Variants in SLC12A2 observed in about 807,000 individuals in gnomAD.
SLC12A2 encodes solute carrier family 12 member 2, also known as Na-K-2Cl cotransporter 1.
A neutral mutation model predicts 136.3 loss-of-function variants in SLC12A2; 67 were observed. That is an observed-to-expected ratio of 0.49 (90% CI 0.40 to 0.60). The LOEUF (loss-of-function observed/expected upper bound fraction) is 0.60, where lower values mean the gene tolerates loss of function less well. Among genes scored for constraint, SLC12A2 ranks in the 20% least tolerant of loss-of-function variants. The probability of loss-of-function intolerance (pLI) is 0.00; values close to 1 mark genes in which losing one functional copy is unlikely to be tolerated. For synonymous variants in SLC12A2, 619 were observed against 562.9 expected, an observed-to-expected ratio of 1.10 and a Z score of -1.41; for missense variants, 1,322 against 1,534.7, an observed-to-expected ratio of 0.86 and a Z score of 2.32.
chr5:128,113,650 G>T (rs779061871), intron 2 of SLC12A2, among the ~76,000 whole-genome samples: 1 of 152,114 alleles, frequency 6.6e-6, no homozygotes, highest in Non-Finnish European at 1.5e-5. Context: ...AGTATTGTTT[G>T]CCTTAGATTT....
chr5:128,133,618 T>G (rs1762096449), intron 5 of SLC12A2, among the ~76,000 whole-genome samples: 1 of 152,094 alleles, frequency 6.6e-6, no homozygotes, highest in South Asian at 2.1e-4. Context: ...AAATAGCTTT[T>G]GCTTAGTTAA....
Position 128,084,205 on chromosome 5 carries a change from A to G in SLC12A2, c.251A>G (p.Asp84Gly). 1 of 1,285,474 alleles carries G rather than the reference A, an allele frequency of 7.8e-7. No homozygotes were observed. The highest frequency in any genetic ancestry group is 2.7e-5 in the South Asian group (1 of 36,904). 79.6% of individuals were successfully genotyped at this position (1,285,474 alleles called of 1,614,324 possible). A position where few individuals can be genotyped will look rare whatever the true frequency, so the allele number is the denominator to read the frequency against. Residue 84 changes from aspartate (D) to glycine (G), a missense_variant, in exon 1 of 27, where the codon GAC becomes GGC. This residue lies in a region of SLC12A2 where 358 missense variants were observed against 299.7 expected (regional missense o/e 1.19). Coordinates refer to ENST00000262461, the MANE Select transcript of SLC12A2 (RefSeq NM_001046.3). The surrounding 1 kb of genome is among the most constrained non-coding windows in gnomAD (Gnocchi z 5.6). ...CCGAGCCAGAGCCGTTTCCAGGTGG[A>G]CCTGGTTTCCGAGAACGCCGGGCGG... ...PTPSQSRFQV[D>G]LVSENAGRAA...
At chr5:128,142,526 T>G (rs1407164171) in intron 10 of SLC12A2, among the ~76,000 whole-genome samples, 2 of 152,132 alleles carry the variant, frequency 1.3e-5, no homozygotes, top group Non-Finnish European at 2.9e-5. Context: ...TATAACAGCA[T>G]GTAATATATA....
intron 5 of SLC12A2, among the ~76,000 whole-genome samples, chr5:128,131,792 G>C (rs1017218246): frequency 6.6e-6 from 1 of 152,112 alleles, no homozygotes; most frequent in South Asian, 2.1e-4. Flanking sequence ...GATCACCTGA[G>C]TTCGGGAGTT....
chr5:128,165,372 C>T (rs549865319), intron 17 of SLC12A2, among the ~76,000 whole-genome samples: 8 of 152,162 alleles, frequency 5.3e-5, no homozygotes, highest in African/African-American at 1.9e-4. Flanking sequence ...CAAATTTTGG[C>T]TTAAGATGCA....
In SLC12A2 at chr5:128,084,119, G is replaced by C. The variant is rs1284706920; in HGVS notation, c.165G>C (p.Gly55=). The C allele has an allele frequency of 1.8e-5, 23 of 1,305,864 alleles. No individual in the cohort carries two copies. The highest frequency in any genetic ancestry group is 3.8e-5 in the Admixed American group (1 of 26,490). The allele number at this position is 1,305,864 out of a possible 1,614,324, so 80.9% of individuals were successfully genotyped here. Residue 55 remains glycine (G), a synonymous_variant, in exon 1 of 27, where the codon GGG becomes GGC. Coordinates refer to ENST00000262461, the MANE Select transcript of SLC12A2 (RefSeq NM_001046.3). The surrounding 1 kb of genome is among the most constrained non-coding windows in gnomAD (Gnocchi z 5.6). The part of the protein sequence containing the change: ...DAAPASRDGG[G]VRDEGPAAAG... Reference sequence around the variant, plus strand: ...CGCCCGCGAGCCGGGACGGCGGCGGGGTCCGCGATGAGGGCCCCGCGGCGG... The same window carrying C: ...CGCCCGCGAGCCGGGACGGCGGCGGCGTCCGCGATGAGGGCCCCGCGGCGG...
At chr5:128,133,641 A>G (rs1561678486) in intron 5 of SLC12A2, among the ~76,000 whole-genome samples, 1 of 152,042 alleles carries the variant, frequency 6.6e-6, no homozygotes, top group African/African-American at 2.4e-5. Flanking sequence ...GGGATATCAT[A>G]ATCTTTAATT....
intron 11 of SLC12A2, among the ~76,000 whole-genome samples, chr5:128,148,444 A>G (rs1299261349): frequency 6.6e-6 from 1 of 151,828 alleles, no homozygotes; most frequent in Admixed American, 6.6e-5. Flanking sequence ...GGTCACAACT[A>G]TGTCATATTT....
chr5:128,142,151 G>A (rs1269554622), intron 10 of SLC12A2, among the ~76,000 whole-genome samples, 170 bp downstream of exon 10: 2 of 152,160 alleles, frequency 1.3e-5, no homozygotes, highest in African/African-American at 4.8e-5. Context: ...CGCCCAGGCT[G>A]TAGTGCGGTG....
At chr5:128,099,468 G>A (rs536647451) in intron 1 of SLC12A2, among the ~76,000 whole-genome samples, 4 of 152,150 alleles carry the variant, frequency 2.6e-5, no homozygotes, top group Admixed American at 6.5e-5. Context: ...TACAAACACT[G>A]TAAACTTAGG....
intron 4 of SLC12A2, among the ~76,000 whole-genome samples, 167 bp downstream of exon 4, chr5:128,114,848 T>C (rs1761288801): frequency 6.6e-6 from 1 of 152,226 alleles, no homozygotes; most frequent in Non-Finnish European, 1.5e-5. Context: ...CAATGTAAAA[T>C]TTTATGTCAA....
chr5:128,085,352 AAAAG>A (rs1402165927), intron 1 of SLC12A2, among the ~76,000 whole-genome samples: 1 of 152,178 alleles, frequency 6.6e-6, no homozygotes, highest in East Asian at 1.9e-4. Flanking sequence ...TATTTAAAAA[AAAAG>A]GGACAGAGGC....
intron 17 of SLC12A2, among the ~76,000 whole-genome samples, chr5:128,163,625 A>G (rs1763112822): frequency 6.6e-6 from 1 of 152,212 alleles, no homozygotes; most frequent in South Asian, 2.1e-4. Context: ...TGTAGTACAA[A>G]TGTATGGTAG....
chr5:128,138,924 T>A lies in SLC12A2; in HGVS notation c.1621+16T>A. ...GTATCTGTAGGTAAATAGTTTCACA[T>A]TTCTTTATGTGTCGCAGAAATTTCA... is the stretch of plus-strand genomic sequence containing the variant. On this transcript the variant is annotated intron_variant, in intron 9 of 26. Transcript: ENST00000262461. 1 of 1,543,764 alleles carries A rather than the reference T, an allele frequency of 6.5e-7. No homozygotes were observed. Among genetic ancestry groups the A allele is most frequent in the Non-Finnish European group, 8.9e-7 (1 of 1,120,176 alleles).
chr5:128,130,031 CTTTG>C (rs757179918), intron 4 of SLC12A2, among the ~76,000 whole-genome samples: 8 of 146,018 alleles, frequency 5.5e-5, no homozygotes, highest in Non-Finnish European at 7.5e-5. Context: ...TCTTGTGAGA[CTTTG>C]TTTTTTTTTT....
intron 1 of SLC12A2, among the ~76,000 whole-genome samples, chr5:128,101,259 C>G (rs560565238): frequency 1.3e-5 from 2 of 151,954 alleles, no homozygotes; most frequent in Non-Finnish European, 2.9e-5. Flanking sequence ...ATTGTTAGAA[C>G]AATTGTTAGA....
intron 1 of SLC12A2, among the ~76,000 whole-genome samples, chr5:128,086,741 G>T (rs746748478): frequency 1.3e-5 from 2 of 152,160 alleles, no homozygotes; most frequent in South Asian, 4.1e-4. Context: ...ATGGATTAAA[G>T]AAATGGGTGT....
rs891793338 is a variant in SLC12A2 at position 128,173,029 on chromosome 5, C to T, written c.2803+1283C>T. 2.6e-5 allele frequency among the ~76,000 whole-genome samples: 4 copies of T among 151,616 alleles called. No individual in the cohort carries two copies. The South Asian group carries it at 6.2e-4, about 24-fold the overall frequency. ...TATATCCTTTGAAGATTTTCTGATA[C>T]TTTAAGAAATTATAAGCTTAAGAAA... On this transcript the variant is annotated intron_variant, in intron 19 of 26. Coordinates refer to ENST00000262461, the MANE Select transcript of SLC12A2 (RefSeq NM_001046.3).
In SLC12A2 at chr5:128,139,229, T is replaced by C. The variant is rs138082165; in HGVS notation, c.1621+321T>C. ...CAATGTATGTGTAGAAGCAAATGAA[T>C]TTCACTCTTACAAATTTCTGTATTT... is the stretch of plus-strand genomic sequence containing the variant. On this transcript the variant is annotated intron_variant, in intron 9 of 26. Coordinates refer to ENST00000262461, the MANE Select transcript of SLC12A2 (RefSeq NM_001046.3). Among the ~76,000 whole-genome samples, 275 of 152,158 alleles carry C rather than the reference T, an allele frequency of 1.8e-3. 1 individual carries two copies. Among genetic ancestry groups the C allele is most frequent in the African/African-American group, 6.1e-3 (253 of 41,538 alleles).
Sources: gnomAD v4.1 joint callset for allele counts (sites outside exome capture counted in the v4.1 genomes callset) on GRCh38, gnomAD v4.1.1 for gene constraint, gnomAD v4.1.1 regional missense constraint, Gnocchi (gnomAD v3.1) non-coding constraint, MANE v1.5 for transcripts, NCBI Gene and HGNC (gene_info 2026-07-23, HGNC 2026-07-21) for gene names.